Variants in AARS1 observed in about 807,000 individuals in gnomAD.
AARS1 encodes the protein alanine--tRNA ligase, cytoplasmic.
In AARS1, 72 loss-of-function variants were observed where a neutral mutation model predicts 108.9. The ratio of observed to expected loss-of-function variants is 0.66; its 90% CI spans 0.55 to 0.80. AARS1 has a LOEUF of 0.80. Ranked by LOEUF, AARS1 falls within the 30% of genes least tolerant of loss-of-function variation. AARS1 has a pLI of 0.00. For missense variants in AARS1, 1,193 were observed against 1,233.2 expected, an observed-to-expected ratio of 0.97 and a Z score of 0.49; for synonymous variants, 489 against 465.7, an observed-to-expected ratio of 1.05 and a Z score of -0.64.
At chr16:70,282,592 A>G (rs760696310) in intron 2 of AARS1, 28 bp downstream of exon 2, 1 of 1,613,744 alleles carries the variant, frequency 6.2e-7, no homozygotes, top group Admixed American at 1.7e-5. Flanking sequence ...TGTGAACCAA[A>G]AGCCAAGAAA....
chr16:70,277,012 G>C lies in AARS1; in HGVS notation c.287C>G (p.Thr96Ser), dbSNP rs1194157733. 2 of 1,614,144 alleles carry C rather than the reference G, an allele frequency of 1.2e-6. No homozygotes were observed. Among genetic ancestry groups the C allele is most frequent in the South Asian group, 1.1e-5 (1 of 91,080 alleles). The change falls in exon 3 of 21, where the codon ACC (threonine) becomes AGC (serine). Residue 96 changes from threonine to serine, a missense_variant. Coordinates refer to ENST00000261772, the MANE Select transcript of AARS1 (RefSeq NM_001605.3). ...DDVGKDVYHH[T>S]FFEMLGSWSF... Reference sequence around the variant, plus strand: ...CCAAGAGCCCAGCATCTCGAAGAAGGTGTGATGATAGACATCCTTGCCCAC... The same window carrying C: ...CCAAGAGCCCAGCATCTCGAAGAAGCTGTGATGATAGACATCCTTGCCCAC...
At chr16:70,258,533 G>C (rs1054335444) in intron 14 of AARS1, among the ~76,000 whole-genome samples, 9 of 152,042 alleles carry the variant, frequency 5.9e-5, no homozygotes, top group South Asian at 2.1e-4. Flanking sequence ...ACTGCCCCCG[G>C]CAAAAGCACA....
chr16:70,276,140 A>C (rs1354712642), intron 4 of AARS1: 1 of 165,260 alleles, frequency 6.1e-6, no homozygotes, highest in East Asian at 1.8e-4. Context: ...GCTTAAGCCC[A>C]GGAGACAGAG....
rs752422246 is a variant in AARS1, at chr16:70,262,330, AGAACTGTT to A, written c.1671+8_1671+15del. The A allele has an allele frequency of 6.8e-6, 11 of 1,614,134 alleles. No homozygotes were observed. The South Asian group carries it at 1.2e-4, about 18-fold the overall frequency. On this transcript the variant is annotated splice_region_variant and intron_variant, in intron 12 of 20. Transcript: ENST00000261772. ...CCTGGCCCTCCTCGGCTAACAAGGA[AGAACTGTT>A]GGCTCACATCTTCACTGCTGTCATC...
chr16:70,275,175 G>A (rs569758745), intron 4 of AARS1, among the ~76,000 whole-genome samples: 1 of 152,060 alleles, frequency 6.6e-6, no homozygotes, highest in South Asian at 2.1e-4. Context: ...CAGAAGAATC[G>A]CCTTAACCCG....
intron 1 of AARS1, 22 bp downstream of exon 1, chr16:70,289,399 G>A (rs1960978759): frequency 2.6e-6 from 1 of 377,952 alleles, no homozygotes; most frequent in African/African-American, 2.1e-5. Flanking sequence ...TAGCACCGCA[G>A]AGCTCTCCGA....
At chr16:70,268,174 C>A in intron 8 of AARS1, 97 bp downstream of exon 8, 1 of 1,178,006 alleles carries the variant, frequency 8.5e-7, no homozygotes, top group Non-Finnish European at 1.3e-6. Flanking sequence ...TCTCAAAAAA[C>A]AGCAACAAAA....
chr16:70,252,929 G>A (rs1311138607), intron 20 of AARS1, 23 bp from the exon 21 acceptor site: 2 of 1,612,760 alleles, frequency 1.2e-6, no homozygotes, highest in Admixed American at 1.7e-5. Flanking sequence ...AAGGGAAGGG[G>A]GAGTCAGCAC....
intron 2 of AARS1, among the ~76,000 whole-genome samples, chr16:70,278,025 T>C (rs1960590641): frequency 6.6e-6 from 1 of 151,890 alleles, no homozygotes; most frequent in Admixed American, 6.6e-5. Context: ...AGTGCTGGGA[T>C]TACAGGCATG....
rs573432197 is a variant in AARS1 at position 70,272,279 on chromosome 16, C to T, written c.480-307G>A. Among the ~76,000 whole-genome samples, 1,280 of 151,478 alleles carry T rather than the reference C, an allele frequency of 8.5e-3. 5 individuals carry two copies. The highest frequency in any genetic ancestry group is 0.012 in the Non-Finnish European group (831 of 67,848). On this transcript the variant is annotated intron_variant, in intron 4 of 20. Coordinates refer to ENST00000261772, the MANE Select transcript of AARS1 (RefSeq NM_001605.3). ...CAGCATTTTGGGAGGCCGAGGCGGG[C>T]GGATCACCTGAGGTTGGGAGTTTGA...
rs562341930 is a variant in AARS1, at chr16:70,281,096, T to C, written c.144+1524A>G. ...CTATCTGCCTCGGCCTCCCAGAGTGTTGGGATTACAAGTGTGAGCCACTGC... is the reference window on the plus strand; with the variant it reads ...CTATCTGCCTCGGCCTCCCAGAGTGCTGGGATTACAAGTGTGAGCCACTGC... On this transcript the variant is annotated intron_variant, in intron 2 of 20. Coordinates refer to ENST00000261772, the MANE Select transcript of AARS1 (RefSeq NM_001605.3). Among the ~76,000 whole-genome samples, 13 of 152,306 alleles carry C rather than the reference T, an allele frequency of 8.5e-5. No homozygotes were observed. In the South Asian group the frequency reaches 2.1e-3, roughly 24 times the overall value.
chr16:70,261,087 C>T lies in AARS1; in HGVS notation c.1742G>A (p.Gly581Asp), dbSNP rs1308559016. 1.2e-6 allele frequency: 2 copies of T among 1,613,872 alleles called. No individual in the cohort carries two copies. The highest frequency in any genetic ancestry group is 1.1e-5 in the South Asian group (1 of 91,068). Residue 581 changes from glycine to aspartate, a missense_variant, in exon 13 of 21, where the codon GGT (glycine) becomes GAT (aspartate). Transcript: ENST00000261772. ...GYVLHIGTIYGDLKVGDQVWL... is the reference protein window; with the variant it reads ...GYVLHIGTIYDDLKVGDQVWL... ...GACCTGATCCCCCACTTTCAGGTCA[C>T]CGTAGATGGTTCCAATGTGTAGCAC...
intron 1 of AARS1, among the ~76,000 whole-genome samples, chr16:70,285,063 C>G: frequency 6.6e-6 from 1 of 152,080 alleles, no homozygotes; most frequent in East Asian, 1.9e-4. Context: ...AACCCCATCT[C>G]TACTAAAATA....
intron 15 of AARS1, 95 bp downstream of exon 15, chr16:70,257,938 A>G (rs1352652371): frequency 2.1e-6 from 3 of 1,428,928 alleles, no homozygotes; most frequent in East Asian, 4.7e-5. Context: ...CTTCACTTCA[A>G]CCTTAGACAG....
chr16:70,279,425 C>T (rs902496924), intron 2 of AARS1, among the ~76,000 whole-genome samples: 1 of 149,676 alleles, frequency 6.7e-6, no homozygotes, highest in African/African-American at 2.5e-5. Flanking sequence ...TTTGGGAGGC[C>T]GAGATGTGCG....
At chr16:70,265,323 C>G in intron 10 of AARS1, 1 of 919,566 alleles carries the variant, frequency 1.1e-6, no homozygotes, top group Admixed American at 2.0e-5. Flanking sequence ...TACGTGACAG[C>G]AGGATCTGCC....
At position 70,252,485 on chromosome 16, in the gene AARS1, A is replaced by C. The variant is rs1208965015; in HGVS notation, c.*236T>G. On this transcript the variant is annotated 3_prime_UTR_variant, in exon 21 of 21. Coordinates refer to ENST00000261772, the MANE Select transcript of AARS1 (RefSeq NM_001605.3). ...TGGAGAGCCGTTATCTATAGATGCG[A>C]GCGTGACGATCAACAGCAATGCGGG... 5 of 576,934 alleles carry C rather than the reference A, an allele frequency of 8.7e-6. No individual in the cohort carries two copies. The highest frequency in any genetic ancestry group is 1.9e-5 in the African/African-American group (1 of 53,452). 35.7% of individuals were successfully genotyped at this position (576,934 alleles called of 1,614,324 possible).
At chr16:70,288,659 C>A (rs990282184) in intron 1 of AARS1, among the ~76,000 whole-genome samples, 1 of 151,364 alleles carries the variant, frequency 6.6e-6, no homozygotes, top group Non-Finnish European at 1.5e-5. Flanking sequence ...CTCCGCCTGC[C>A]GGGTTCAAGC....
intron 1 of AARS1, among the ~76,000 whole-genome samples, chr16:70,286,314 G>A (rs1960837219): frequency 6.6e-6 from 1 of 151,878 alleles, no homozygotes; most frequent in Admixed American, 6.6e-5. Context: ...GAGCTGTAAA[G>A]GTCTTGGGTG....
Sources: gnomAD v4.1 joint callset for allele counts (sites outside exome capture counted in the v4.1 genomes callset) on GRCh38, gnomAD v4.1.1 for gene constraint, MANE v1.5 for transcripts, NCBI Gene and HGNC (gene_info 2026-07-23, HGNC 2026-07-21) for gene names.